Variants in ARHGEF3 observed in about 807,000 individuals in gnomAD.
ARHGEF3 encodes the protein Rho guanine nucleotide exchange factor 3.
In ARHGEF3, 28 loss-of-function variants were observed where a neutral mutation model predicts 63.2. The ratio of observed to expected loss-of-function variants is 0.44; its 90% confidence interval spans 0.33 to 0.61. ARHGEF3 has a LOEUF of 0.61. Among genes scored for constraint, ARHGEF3 ranks in the 20% least tolerant of loss-of-function variants. The pLI is 0.03. For missense variants in ARHGEF3, 533 were observed against 659.3 expected (o/e 0.81, Z 2.10); for synonymous variants, 266 against 254.2 (o/e 1.05, Z -0.44).
At chr3:57,074,377 C>T in intron 1 of ARHGEF3, 1 of 923,006 alleles carries the variant, frequency 1.1e-6, no homozygotes, top group Non-Finnish European at 1.7e-6. Context: ...GACTCGTAGC[C>T]ATCCCTTTCT....
intron 1 of ARHGEF3, among the ~76,000 whole-genome samples, chr3:57,068,953 G>A (rs74519489): frequency 0.059 from 8,473 of 144,442 alleles, 365 homozygotes; most frequent in South Asian, 0.17. Flanking sequence ...ACCGAGTCTC[G>A]CTGTATCACC....
At chr3:57,069,959 A>G (rs1705793482) in intron 1 of ARHGEF3, among the ~76,000 whole-genome samples, 1 of 152,214 alleles carries the variant, frequency 6.6e-6, no homozygotes, top group Admixed American at 6.5e-5. Flanking sequence ...CTAAACTTTT[A>G]ATATGTGATA....
intron 4 of ARHGEF3, among the ~76,000 whole-genome samples, chr3:56,865,730 T>C (rs190062825): frequency 6.6e-6 from 1 of 152,214 alleles, no homozygotes; most frequent in Admixed American, 6.5e-5. Flanking sequence ...TGTAATGGTA[T>C]TGGGAGGTGG....
At chr3:56,819,678 T>TTTTA (rs1341371494) in intron 4 of ARHGEF3, among the ~76,000 whole-genome samples, 1 of 149,948 alleles carries the variant, frequency 6.7e-6, no homozygotes, top group Non-Finnish European at 1.5e-5. Flanking sequence ...CCTGGCTAAT[T>TTTTA]TTTATTTACT....
intron 2 of ARHGEF3, among the ~76,000 whole-genome samples, chr3:56,988,110 G>C (rs1179899669): frequency 6.6e-6 from 1 of 152,126 alleles, no homozygotes; most frequent in African/African-American, 2.4e-5. Context: ...GGGACTTTAA[G>C]AGGGTTGTTT....
intron 1 of ARHGEF3, among the ~76,000 whole-genome samples, chr3:57,049,322 T>C (rs1270670099): frequency 3.3e-5 from 5 of 152,264 alleles, no homozygotes; most frequent in East Asian, 3.9e-4. Flanking sequence ...TAGGCTATGA[T>C]TGGGCCACTG....
chr3:56,932,276 A>G (rs2042434294), intron 3 of ARHGEF3, among the ~76,000 whole-genome samples: 2 of 152,204 alleles, frequency 1.3e-5, no homozygotes, highest in South Asian at 2.1e-4. Flanking sequence ...ATAGAAACGT[A>G]CGAAAGTCAA....
intron 1 of ARHGEF3, among the ~76,000 whole-genome samples, chr3:57,066,357 G>T (rs1454509987): frequency 2.6e-5 from 4 of 151,938 alleles, no homozygotes; most frequent in Non-Finnish European, 5.9e-5. Flanking sequence ...CGCCTCCCAG[G>T]TTCAAGCGAT....
intron 2 of ARHGEF3, among the ~76,000 whole-genome samples, chr3:56,760,462 C>T (rs1479534072): frequency 6.6e-6 from 1 of 152,182 alleles, no homozygotes; most frequent in South Asian, 2.1e-4. Flanking sequence ...AGCTCTACCA[C>T]TATGAATTTC....
At chr3:56,868,587 T>A (rs1193160420) in intron 4 of ARHGEF3, among the ~76,000 whole-genome samples, 2 of 152,158 alleles carry the variant, frequency 1.3e-5, no homozygotes, top group East Asian at 3.9e-4. Flanking sequence ...GGTCTCGAAC[T>A]CCTGGCCTCA....
At chr3:56,923,122 G>C (rs1199243701) in intron 3 of ARHGEF3, among the ~76,000 whole-genome samples, 2 of 142,520 alleles carry the variant, frequency 1.4e-5, no homozygotes, top group Non-Finnish European at 3.0e-5. Flanking sequence ...CAGCTACTCG[G>C]GAAGCTGGGA....
chr3:56,854,207 A>G (rs2039786938), intron 4 of ARHGEF3, among the ~76,000 whole-genome samples: 1 of 152,088 alleles, frequency 6.6e-6, no homozygotes, highest in Admixed American at 6.6e-5. Context: ...AAAACAAAAC[A>G]AAAAAACAAT....
intron 3 of ARHGEF3, among the ~76,000 whole-genome samples, chr3:56,885,139 C>CA (rs1228096730): frequency 6.6e-6 from 1 of 152,176 alleles, no homozygotes; most frequent in African/African-American, 2.4e-5. Context: ...ACGTGCTGGG[C>CA]AATGAATTGG....
intron 4 of ARHGEF3, among the ~76,000 whole-genome samples, chr3:56,836,922 G>A (rs576205007): frequency 2.0e-5 from 3 of 152,004 alleles, no homozygotes; most frequent in Non-Finnish European, 4.4e-5. Context: ...GTGAGACCCT[G>A]TCTCAAAACA....
At chr3:56,906,646 G>A (rs2041692286) in intron 3 of ARHGEF3, among the ~76,000 whole-genome samples, 1 of 152,098 alleles carries the variant, frequency 6.6e-6, no homozygotes, top group Non-Finnish European at 1.5e-5. Flanking sequence ...GACCAGCCTG[G>A]CAAACATGGT....
At chr3:56,946,782 C>T (rs1198494844) in intron 3 of ARHGEF3, among the ~76,000 whole-genome samples, 3 of 152,116 alleles carry the variant, frequency 2.0e-5, no homozygotes, top group African/African-American at 4.8e-5. Context: ...GACAATGTCA[C>T]AAAGATACTC....
intron 9 of ARHGEF3, 71 bp downstream of exon 9, chr3:56,732,167 C>T (rs780244249): frequency 1.3e-6 from 2 of 1,567,394 alleles, no homozygotes; most frequent in Admixed American, 1.8e-5. Flanking sequence ...CTCTTTCCAC[C>T]AGCTGCCCAC....
rs144824658 is a variant in ARHGEF3, at chr3:57,069,858, G to A, written c.-28+9368C>T. On this transcript the variant is annotated intron_variant, in intron 1 of 12. Coordinates refer to the ARHGEF3 transcript ENST00000338458. ...TAGAGTCTCGCTTTGCTGCCCAGGC[G>A]GGTCTCAAACTCCTAGCCTGAGGCA... 2.5e-3 allele frequency among the ~76,000 whole-genome samples: 382 copies of A among 152,146 alleles called. 3 individuals carry two copies. The highest frequency in any genetic ancestry group is 4.1e-3 in the Non-Finnish European group (278 of 68,014).
chr3:56,799,817 C>T (rs747567762), intron 1 of ARHGEF3, among the ~76,000 whole-genome samples: 12 of 152,118 alleles, frequency 7.9e-5, no homozygotes, highest in Non-Finnish European at 1.8e-4. Flanking sequence ...GATATCTCTG[C>T]CTCAAAGTGT....
Sources: allele counts gnomAD v4.1 joint callset (sites outside exome capture counted in the v4.1 genomes callset), GRCh38; gene constraint gnomAD v4.1.1; transcripts MANE v1.5; gene names NCBI Gene and HGNC (gene_info 2026-07-23, HGNC 2026-07-21).